OGT: variants seen among roughly 807,000 people sequenced by gnomAD.
OGT encodes UDP-N-acetylglucosamine--peptide N-acetylglucosaminyltransferase 110 kDa subunit.
In OGT, 3 loss-of-function variants were observed where a neutral mutation model predicts 75.8. The ratio of observed to expected loss-of-function variants is 0.04; its 90% CI spans 0.02 to 0.10. The LOEUF is 0.10. OGT is among the 10% of genes least tolerant of loss of function. OGT has a pLI of 1.00. For synonymous variants in OGT, 257 were observed against 289.7 expected (o/e 0.89, Z 1.15); for missense variants, 260 against 824.4 (o/e 0.32, Z 8.38).
intron 3 of OGT, 75 bp from the exon 4 acceptor site, chrX:71,544,492 G>A: frequency 1.0e-6 from 1 of 968,330 alleles, no homozygotes; most frequent in South Asian, 2.1e-5. Context: ...GGAGCTAGAT[G>A]CTTAAAAGTG....
At chrX:71,572,637 C>T (rs1303313858) in intron 21 of OGT, among the ~76,000 whole-genome samples, 1 of 111,281 alleles carries the variant, frequency 9.0e-6, no homozygotes, top group Non-Finnish European at 1.9e-5. Flanking sequence ...TGTGGTGATG[C>T]GTGCCTGTAG....
At chrX:71,549,076 G>A (rs780915440) in intron 5 of OGT, among the ~76,000 whole-genome samples, 2 of 108,879 alleles carry the variant, frequency 1.8e-5, no homozygotes, top group Admixed American at 9.9e-5. Context: ...AGGCCGAGGC[G>A]GGCAGATTGC....
At chrX:71,561,729 T>C in intron 14 of OGT, 46 bp from the exon 15 acceptor site, 1 of 1,071,178 alleles carries the variant, frequency 9.3e-7, no homozygotes, top group Non-Finnish European at 1.2e-6. Context: ...TTAAAACTAA[T>C]TGATCTGAGA....
chrX:71,535,649 A>G (rs2040170207), intron 1 of OGT, among the ~76,000 whole-genome samples: 1 of 111,965 alleles, frequency 8.9e-6, no homozygotes, highest in African/African-American at 3.2e-5. Flanking sequence ...TAATTTAAAG[A>G]ATTAACACAT....
At chrX:71,543,254 C>T (rs1188728108) in intron 3 of OGT, among the ~76,000 whole-genome samples, 1 of 111,769 alleles carries the variant, frequency 8.9e-6, no homozygotes, top group Non-Finnish European at 1.9e-5. Context: ...GTCTCTTTCA[C>T]CCATGGAACA....
intron 21 of OGT, among the ~76,000 whole-genome samples, chrX:71,571,442 C>T (rs2040457704): frequency 8.9e-6 from 1 of 111,935 alleles, no homozygotes; most frequent in Non-Finnish European, 1.9e-5. Flanking sequence ...CCTCTGTTTC[C>T]CAGGCTGGAG....
intron 5 of OGT, among the ~76,000 whole-genome samples, chrX:71,552,799 A>G (rs1234816901): frequency 1.8e-5 from 2 of 109,169 alleles, no homozygotes; most frequent in Non-Finnish European, 3.8e-5. Flanking sequence ...CCTGAGATAC[A>G]TATTGAAGTA....
At chrX:71,536,961 G>GT in intron 2 of OGT, 1 of 188,695 alleles carries the variant, frequency 5.3e-6, no homozygotes, top group Non-Finnish European at 9.3e-6. Flanking sequence ...CAATGTGGTG[G>GT]GTTTTTTTTT....
In OGT at chrX:71,544,872, T is replaced by C. The variant is rs140514840; in HGVS notation, c.531+237T>C. The C allele has an allele frequency of 2.9e-3, 1,086 of 374,155 alleles. 10 individuals are homozygous for C. Among genetic ancestry groups the C allele is most frequent in the African/African-American group, 0.025 (974 of 39,403 alleles). The allele number at this position is 374,155 out of a possible 1,213,427, so 30.8% of individuals were successfully genotyped here. On this transcript the variant is annotated intron_variant, in intron 4 of 21. Transcript: ENST00000373719. ...AGCCTTTCTGCTGAGCTAGACCATC[T>C]TTATAACACTGGGCTCCGTCATGAT...
chrX:71,566,123 G>GT (rs1016181739), intron 19 of OGT, among the ~76,000 whole-genome samples: 2 of 111,743 alleles, frequency 1.8e-5, no homozygotes, highest in African/African-American at 3.3e-5. Context: ...CCCGATATCT[G>GT]TTTTGTTTTA....
At position 71,574,760 on chromosome X, in the gene OGT, T is replaced by C. The variant is rs1034469316; in HGVS notation, c.*966T>C. On this transcript the variant is annotated 3_prime_UTR_variant, in exon 22 of 22. Transcript: ENST00000373719. ...TTTACCTTCCTTTCTAAAGTTTTTT[T>C]TTTTTTTTTTTAAGTGAGTCCTGTT... 8 of 109,106 alleles carry C rather than the reference T, an allele frequency of 7.3e-5. No individual in the cohort carries two copies. The highest frequency in any genetic ancestry group is 1.3e-4 in the Non-Finnish European group (7 of 52,310). The allele number at this position is 109,106 out of a possible 1,213,427, so 9.0% of individuals were successfully genotyped here. A position where few individuals can be genotyped will look rare whatever the true frequency, so the allele number is the denominator to read the frequency against.
rs2040393749 is a variant in OGT, at chrX:71,562,906, T to C, written c.2037T>C (p.Thr679=). 5 of 1,209,372 alleles carry C rather than the reference T, an allele frequency of 4.1e-6. No homozygotes were observed. The highest frequency in any genetic ancestry group is 5.6e-6 in the Non-Finnish European group (5 of 893,513). ...CGCTTTTCATGGATTATATTATCAC[T>C]GATCAGGAAACTTCGCCAGCTGAAG... ...SGALFMDYII[T]DQETSPAEVA... Residue 679 remains threonine, a synonymous_variant, in exon 16 of 22, where the codon ACT becomes ACC. Coordinates refer to ENST00000373719, the MANE Select transcript of OGT (RefSeq NM_181672.3).
At chrX:71,557,866 G>A (rs948282138) in intron 12 of OGT, among the ~76,000 whole-genome samples, 194 bp downstream of exon 12, 6 of 111,708 alleles carry the variant, frequency 5.4e-5, no homozygotes, top group African/African-American at 1.6e-4. Flanking sequence ...TCATAAGACG[G>A]AATCCTTAAC....
At position 71,561,962 on chromosome X, in the gene OGT, G is replaced by C. The variant is rs2040387624; in HGVS notation, c.1977+62G>C. 6.8e-6 allele frequency: 7 copies of C among 1,033,129 alleles called. No individual in the cohort carries two copies. In the South Asian group the frequency reaches 1.5e-4, roughly 21 times the overall value. 85.1% of individuals were successfully genotyped at this position (1,033,129 alleles called of 1,213,427 possible). A position where few individuals can be genotyped will look rare whatever the true frequency, so the allele number is the denominator to read the frequency against. On this transcript the variant is annotated intron_variant, in intron 15 of 21. Coordinates refer to ENST00000373719, the MANE Select transcript of OGT (RefSeq NM_181672.3). ...TTGGCTAAGAATACAGTGAGGTGCT[G>C]CTTTTCCTCCCTCTGGTTAACTGAT...
In OGT at chrX:71,556,664, T is replaced by A; in HGVS notation, c.1066-16T>A. The stretch of plus-strand genomic sequence containing the variant: ...GCAATTTTTTTAACCTCAGTTCTGA[T>A]CTTGACTCTTTATAGGTCTTCCCAG... On this transcript the variant is annotated splice_polypyrimidine_tract_variant and intron_variant, in intron 8 of 21. Coordinates refer to ENST00000373719, the MANE Select transcript of OGT (RefSeq NM_181672.3). 3.6e-6 allele frequency: 4 copies of A among 1,101,470 alleles called. No homozygotes were observed. Among genetic ancestry groups the A allele is most frequent in the Non-Finnish European group, 4.9e-6 (4 of 818,199 alleles). 90.8% of individuals were successfully genotyped at this position (1,101,470 alleles called of 1,213,427 possible).
chrX:71,570,844 G>T (rs190033701), intron 21 of OGT, among the ~76,000 whole-genome samples: 27 of 111,125 alleles, frequency 2.4e-4, no homozygotes, highest in Admixed American at 2.4e-3. Context: ...ACTCAGGCTG[G>T]AGTGCAGTGG....
intron 4 of OGT, chrX:71,546,643 G>A (rs1171799441): frequency 1.4e-6 from 1 of 721,326 alleles, no homozygotes; most frequent in Non-Finnish European, 1.6e-6. Flanking sequence ...TCAAAGATAA[G>A]TAAAAGTTAA....
intron 19 of OGT, among the ~76,000 whole-genome samples, chrX:71,565,861 G>T: frequency 8.9e-6 from 1 of 111,918 alleles, no homozygotes. Flanking sequence ...TGTGTAGTTC[G>T]CCAACTCCTG....
intron 5 of OGT, among the ~76,000 whole-genome samples, chrX:71,552,853 C>T (rs748727854): frequency 7.3e-5 from 8 of 109,837 alleles, no homozygotes; most frequent in African/African-American, 2.3e-4. Flanking sequence ...AAATGATCTG[C>T]GAAGAGGGGG....
Sources: allele counts gnomAD v4.1 joint callset (sites outside exome capture counted in the v4.1 genomes callset), GRCh38; gene constraint gnomAD v4.1.1; transcripts MANE v1.5; gene names NCBI Gene and HGNC (gene_info 2026-07-23, HGNC 2026-07-21).